Variants in TLE6 observed in about 807,000 individuals in gnomAD.
TLE6 encodes transducin-like enhancer protein 6.
TLE6 carries 72 observed loss-of-function variants against 77.1 expected under a neutral mutation model. That is an observed-to-expected ratio of 0.93 (90% CI 0.77 to 1.14). The LOEUF (loss-of-function observed/expected upper bound fraction) is 1.14, where lower values mean the gene tolerates loss of function less well. Among genes scored for constraint, TLE6 ranks in the 50% most tolerant of loss-of-function variants. TLE6 has a pLI of 0.00. For synonymous variants in TLE6, 366 were observed against 287.3 expected (o/e 1.27, Z -2.77); for missense variants, 843 against 747.6 (o/e 1.13, Z -1.49).
At chr19:2,979,394 G>A (rs1417024029) in intron 2 of TLE6, among the ~76,000 whole-genome samples, 1 of 151,610 alleles carries the variant, frequency 6.6e-6, no homozygotes, top group Admixed American at 6.6e-5. Context: ...TTACAGGTGC[G>A]CGCCACCACG....
rs533927982 is a variant in TLE6, at chr19:2,982,381, T to TA, written c.222+199dup. The stretch of plus-strand genomic sequence containing the variant: ...GGTGAAACCCCGTCTCTACTAAAAA[T>TA]AAAAAAATTAGCCAGGCGTGGTGGC... On this transcript the variant is annotated intron_variant, in intron 5 of 16. Coordinates refer to ENST00000246112, the MANE Select transcript of TLE6 (RefSeq NM_001143986.2). 4.9e-3 allele frequency among the ~76,000 whole-genome samples: 748 copies of TA among 151,120 alleles called. 7 individuals carry two copies. Among genetic ancestry groups the TA allele is most frequent in the African/African-American group, 0.018 (728 of 41,164 alleles).
At position 2,995,009 on chromosome 19, in the gene TLE6, C is replaced by A. The variant is rs747913904; in HGVS notation, c.*5C>A. 2.5e-6 allele frequency: 4 copies of A among 1,585,548 alleles called. No homozygotes were observed. Among genetic ancestry groups the A allele is most frequent in the South Asian group, 1.1e-5 (1 of 88,272 alleles). On this transcript the variant is annotated 3_prime_UTR_variant, in exon 17 of 17. Transcript: ENST00000246112. ...GTGTACCAGATCACCTACTGAGGGG[C>A]CTCGCTGCTGTCATCCCACTCCGGC...
intron 10 of TLE6, 56 bp from the exon 11 acceptor site, chr19:2,988,035 G>A: frequency 1.1e-5 from 17 of 1,572,538 alleles, no homozygotes; most frequent in Non-Finnish European, 1.5e-5. Context: ...GGGTAGAGGA[G>A]GTGGGCACAG....
chr19:2,987,866 A>C (rs1249886426), intron 9 of TLE6, 32 bp from the exon 10 acceptor site: 1 of 1,613,020 alleles, frequency 6.2e-7, no homozygotes, highest in African/African-American at 1.3e-5. Context: ...GAGCCAATGC[A>C]AGCCGCTTAG....
chr19:2,993,639 A>T (rs1427445623), intron 15 of TLE6, 57 bp downstream of exon 15: 2 of 1,512,072 alleles, frequency 1.3e-6, no homozygotes, highest in African/African-American at 2.8e-5. Flanking sequence ...CTCCCACAAG[A>T]CCCCACCTAA....
In TLE6 at chr19:2,989,775, A is replaced by G. The variant is rs746343352; in HGVS notation, c.1234A>G (p.Ser412Gly). The change falls in exon 13 of 17, where the codon AGT becomes GGT. Residue 412 changes from serine (S) to glycine (G), a missense_variant. Coordinates refer to ENST00000246112, the MANE Select transcript of TLE6 (RefSeq NM_001143986.2). The part of the protein sequence containing the change: ...VVRIWDLRDQ[S>G]VVRDLKGYPD... Reference sequence around the variant, plus strand: ...CAGGATCTGGGACCTGCGGGATCAGAGTGTGGTCAGGTGCGTTTGGGGGGT... The same window carrying G: ...CAGGATCTGGGACCTGCGGGATCAGGGTGTGGTCAGGTGCGTTTGGGGGGT... The G allele has an allele frequency of 3.7e-6, 6 of 1,613,712 alleles. No homozygotes were observed. The East Asian group carries it at 6.7e-5, about 18-fold the overall frequency.
In TLE6 at chr19:2,989,605, A is replaced by C. The variant is rs900445826; in HGVS notation, c.1064A>C (p.Asn355Thr). 1 of 1,613,992 alleles carries C rather than the reference A, an allele frequency of 6.2e-7. No homozygotes were observed. Among genetic ancestry groups the C allele is most frequent in the Non-Finnish European group, 8.5e-7 (1 of 1,180,000 alleles). The change falls in exon 13 of 17, where the codon AAC (asparagine) becomes ACC (threonine). Residue 355 changes from asparagine (N) to threonine (T), a missense_variant. Coordinates refer to ENST00000246112, the MANE Select transcript of TLE6 (RefSeq NM_001143986.2). Reference protein sequence around the residue: ...NSRSLLTGGYNLASVSVWDLA... With the variant: ...NSRSLLTGGYTLASVSVWDLA... Reference sequence around the variant, plus strand: ...AGGAGCCTGCTCACCGGTGGCTACAACCTGGCCAGCGTGAGCGTGTGGGAC... The same window carrying C: ...AGGAGCCTGCTCACCGGTGGCTACACCCTGGCCAGCGTGAGCGTGTGGGAC...
intron 13 of TLE6, 134 bp from the exon 14 acceptor site, chr19:2,991,709 T>G: frequency 1.3e-6 from 1 of 791,286 alleles, no homozygotes; most frequent in Non-Finnish European, 2.0e-6. Context: ...CTGCCAACTT[T>G]GACACTCTGT....
At position 2,987,935 on chromosome 19, in the gene TLE6, G is replaced by A; in HGVS notation, c.663G>A (p.Glu221=). Residue 221 remains glutamate, a synonymous_variant, in exon 10 of 17, where the codon GAG becomes GAA. Transcript: ENST00000246112. The part of the protein sequence containing the change: ...RPPEASSSPP[E]GSQDRNTSWG... Reference sequence around the variant, plus strand: ...CTGAGGCCTCCTCCAGTCCCCCTGAGGGTTCCCAAGACAGGAACACAAGTT... The same window carrying A: ...CTGAGGCCTCCTCCAGTCCCCCTGAAGGTTCCCAAGACAGGAACACAAGTT... The A allele has an allele frequency of 1.2e-6, 2 of 1,610,684 alleles. No homozygotes were observed. Among genetic ancestry groups the A allele is most frequent in the Non-Finnish European group, 1.7e-6 (2 of 1,177,868 alleles).
chr19:2,991,778 G>C (rs1401969600), intron 13 of TLE6, 65 bp from the exon 14 acceptor site: 6 of 1,522,138 alleles, frequency 3.9e-6, no homozygotes, highest in Non-Finnish European at 5.4e-6. Context: ...GTAGTGACTG[G>C]TGTTTCCGGG....
intron 2 of TLE6, 143 bp downstream of exon 2, chr19:2,978,427 A>G: frequency 1.3e-6 from 1 of 777,438 alleles, no homozygotes; most frequent in Non-Finnish European, 2.1e-6. Context: ...CACTCAAGAC[A>G]GGTGCCAAGG....
rs76366031 is a variant in TLE6 at position 2,989,175 on chromosome 19, C to T, written c.855C>T (p.His285=). Residue 285 remains histidine, a synonymous_variant, in exon 12 of 17, where the codon CAC becomes CAT. Coordinates refer to ENST00000246112, the MANE Select transcript of TLE6 (RefSeq NM_001143986.2). ...CKLEKMRILA[H]GELVLATAIS... ...TGGAAAAGATGCGGATCTTGGCACA[C>T]GGGGAGCTCGTGCTCGCCACGGCCA... The T allele has an allele frequency of 2.8e-3, 4,445 of 1,614,100 alleles. 95 individuals are homozygous for T. In the African/African-American group the frequency reaches 0.05, roughly 18 times the overall value.
intron 13 of TLE6, among the ~76,000 whole-genome samples, chr19:2,990,925 G>A (rs888248717): frequency 6.7e-6 from 1 of 148,730 alleles, no homozygotes; most frequent in Non-Finnish European, 1.5e-5. Flanking sequence ...CGCTTGAGAA[G>A]CGGAGTTTGT....
intron 3 of TLE6, among the ~76,000 whole-genome samples, chr19:2,980,715 G>T (rs1177118154): frequency 6.9e-6 from 1 of 144,346 alleles, no homozygotes; most frequent in Non-Finnish European, 1.5e-5. Context: ...CAAGCCTAAG[G>T]CTACAGAGTG....
rs371786525 is a variant in TLE6, at chr19:2,980,116, C to T, written c.68C>T (p.Ser23Leu). The T allele has an allele frequency of 2.1e-5, 32 of 1,550,464 alleles. 1 individual carries two copies. Among genetic ancestry groups the T allele is most frequent in the Middle Eastern group, 1.7e-4 (1 of 6,000 alleles). The change falls in exon 3 of 17, where the codon TCG becomes TTG. Residue 23 changes from serine to leucine, a missense_variant. Ser to Leu is a moderately radical substitution (Grantham distance 145). Transcript: ENST00000246112. Reference sequence around the variant, plus strand: ...CCTTTCCAGCCTTGTCCTGGGATCTCGAACTCTGAGAGCTCTCCGACGCTG... The same window carrying T: ...CCTTTCCAGCCTTGTCCTGGGATCTTGAACTCTGAGAGCTCTCCGACGCTG... ...PKSTSPCPGISNSESSPTLNY... is the reference protein window; with the variant it reads ...PKSTSPCPGILNSESSPTLNY...
chr19:2,994,184 C>T, intron 16 of TLE6, 89 bp downstream of exon 16: 2 of 1,159,394 alleles, frequency 1.7e-6, no homozygotes, highest in Admixed American at 5.2e-5. Flanking sequence ...CCACAAAAAA[C>T]TTAAAAAGTA....
chr19:2,982,055 G>GT, intron 4 of TLE6, 93 bp from the exon 5 acceptor site: 1 of 1,325,042 alleles, frequency 7.5e-7, no homozygotes, highest in Non-Finnish European at 1.1e-6. Flanking sequence ...AGGTGGGGGA[G>GT]TAGGGGCCAG....
At chr19:2,990,000 G>A (rs982810238) in intron 13 of TLE6, among the ~76,000 whole-genome samples, 1 of 152,148 alleles carries the variant, frequency 6.6e-6, no homozygotes, top group African/African-American at 2.4e-5. Flanking sequence ...GTTCCTTGCA[G>A]CCCAGGGCAT....
intron 10 of TLE6, 42 bp downstream of exon 10, chr19:2,988,016 C>T: frequency 6.3e-7 from 1 of 1,590,406 alleles, no homozygotes; most frequent in Non-Finnish European, 8.6e-7. Context: ...GTGAAGGCTG[C>T]CCAGGGTGGG....
Sources: allele counts gnomAD v4.1 joint callset (sites outside exome capture counted in the v4.1 genomes callset), GRCh38; gene constraint gnomAD v4.1.1; transcripts MANE v1.5; gene names NCBI Gene and HGNC (gene_info 2026-07-23, HGNC 2026-07-21).